Variants in CACNA2D1 observed in about 807,000 individuals in gnomAD.
CACNA2D1 encodes voltage-dependent calcium channel subunit alpha-2/delta-1.
CACNA2D1 carries 53 observed loss-of-function variants against 171.5 expected under a neutral mutation model. The ratio of observed to expected loss-of-function variants is 0.31; its 90% CI spans 0.25 to 0.39. The LOEUF (loss-of-function observed/expected upper bound fraction) is 0.39. Among genes scored for constraint, CACNA2D1 ranks in the 10% least tolerant of loss-of-function variants. The pLI is 1.00. For missense variants in CACNA2D1, 903 were observed against 1,299.8 expected, an observed-to-expected ratio of 0.69 and a Z score of 4.69; for synonymous variants, 442 against 443.1, an observed-to-expected ratio of 1.00 and a Z score of 0.03.
chr7:82,061,761 G>C (rs1806952078), intron 9 of CACNA2D1, among the ~76,000 whole-genome samples: 1 of 152,150 alleles, frequency 6.6e-6, no homozygotes, highest in African/African-American at 2.4e-5. Context: ...TTGATGGGCA[G>C]GGGACTAGGA....
chr7:81,979,579 A>G (rs1426668609), intron 24 of CACNA2D1, among the ~76,000 whole-genome samples: 1 of 152,152 alleles, frequency 6.6e-6, no homozygotes, highest in Non-Finnish European at 1.5e-5. Context: ...TTGCCAACAT[A>G]GCAGGCCTAA....
intron 3 of CACNA2D1, among the ~76,000 whole-genome samples, chr7:82,291,278 T>A (rs1159424082): frequency 7.0e-6 from 1 of 142,310 alleles, no homozygotes; most frequent in East Asian, 2.0e-4. Context: ...AGTGTATATA[T>A]AATTCCTTTA....
intron 36 of CACNA2D1, among the ~76,000 whole-genome samples, chr7:81,960,523 TCTTA>T (rs932431330): frequency 1.9e-4 from 29 of 152,208 alleles, no homozygotes; most frequent in Non-Finnish European, 2.8e-4. Context: ...CTTAAGCTGC[TCTTA>T]CTTTAGTAAC....
At chr7:82,426,461 A>T (rs1401212564) in intron 1 of CACNA2D1, among the ~76,000 whole-genome samples, 1 of 152,100 alleles carries the variant, frequency 6.6e-6, no homozygotes, top group Non-Finnish European at 1.5e-5. Flanking sequence ...TAGAATTGAT[A>T]CTTTAAACAG....
At chr7:81,971,482 C>T (rs1291813506) in intron 26 of CACNA2D1, among the ~76,000 whole-genome samples, 1 of 151,608 alleles carries the variant, frequency 6.6e-6, no homozygotes, top group Non-Finnish European at 1.5e-5. Context: ...CCCAAATAAA[C>T]ACTGACTAGA....
intron 12 of CACNA2D1, chr7:82,020,915 C>G (rs1801115649): frequency 6.6e-6 from 1 of 152,078 alleles, no homozygotes; most frequent in African/African-American, 2.4e-5. Flanking sequence ...TTATAAACGG[C>G]AACAAAGTGC....
chr7:82,273,419 T>C (rs1248816471), intron 3 of CACNA2D1, among the ~76,000 whole-genome samples: 2 of 151,462 alleles, frequency 1.3e-5, no homozygotes, highest in Non-Finnish European at 2.9e-5. Context: ...GTTGCCATTA[T>C]GATTCTATTT....
chr7:81,990,940 T>C (rs932898217), intron 21 of CACNA2D1, among the ~76,000 whole-genome samples: 1 of 152,218 alleles, frequency 6.6e-6, no homozygotes, highest in East Asian at 1.9e-4. Context: ...ATTATGGGTA[T>C]TTGTCAACAT....
chr7:82,085,492 G>A (rs1810347155), intron 6 of CACNA2D1, among the ~76,000 whole-genome samples: 1 of 151,010 alleles, frequency 6.6e-6, no homozygotes, highest in Non-Finnish European at 1.5e-5. Context: ...ACTCTCTGCG[G>A]CAGAGCAACA....
chr7:82,340,022 G>A (rs566429805), intron 2 of CACNA2D1, among the ~76,000 whole-genome samples: 1 of 152,282 alleles, frequency 6.6e-6, no homozygotes, highest in East Asian at 1.9e-4. Context: ...AAGAAATCAG[G>A]CCAACACTGC....
chr7:81,965,544 C>T lies in CACNA2D1; in HGVS notation c.2574+50G>A, dbSNP rs202062464. ...TGAAAGAGGTTTTGTAATGTTGATC[C>T]GGGAAACACACTTTGGAAAGCCTAA... On this transcript the variant is annotated intron_variant, in intron 32 of 38. Transcript: ENST00000356860. 1.6e-4 allele frequency: 149 copies of T among 953,136 alleles called. 2 individuals are homozygous for T. The highest frequency in any genetic ancestry group is 1.4e-3 in the South Asian group (106 of 77,716). The allele number at this position is 953,136 out of a possible 1,614,324, so 59.0% of individuals were successfully genotyped here.
At chr7:82,187,112 T>A (rs1185542026) in intron 3 of CACNA2D1, among the ~76,000 whole-genome samples, 1 of 152,172 alleles carries the variant, frequency 6.6e-6, no homozygotes, top group Non-Finnish European at 1.5e-5. Context: ...ATCTGGCTTT[T>A]TAACAAATAT....
rs562836168 is a variant in CACNA2D1, at chr7:82,381,257, T to C, written c.96-31608A>G. On this transcript the variant is annotated intron_variant, in intron 1 of 38. Transcript: ENST00000356860. ...TGAACCCGGCAGGCGGAGCTTGCAG[T>C]GAGCTGAGATCGCGCCATTGCACTC... Among the ~76,000 whole-genome samples the C allele has an allele frequency of 8.5e-5, 12 of 141,478 alleles. No homozygotes were observed. The South Asian group carries it at 2.6e-3, about 31-fold the overall frequency. The allele number at this position is 141,478 out of a possible 152,430, so 92.8% of individuals were successfully genotyped here.
intron 6 of CACNA2D1, among the ~76,000 whole-genome samples, chr7:82,113,752 G>A (rs1788710438): frequency 2.6e-5 from 4 of 152,078 alleles, no homozygotes; most frequent in Admixed American, 2.6e-4. Context: ...ACCACATGAA[G>A]AATACTGGTA....
chr7:82,094,579 C>T (rs1036800497), intron 6 of CACNA2D1, among the ~76,000 whole-genome samples: 22 of 152,224 alleles, frequency 1.4e-4, no homozygotes, highest in African/African-American at 3.6e-4. Flanking sequence ...AGTCCTTGCT[C>T]GTGTATTACT....
chr7:82,291,936 A>G (rs1399862896), intron 3 of CACNA2D1, among the ~76,000 whole-genome samples: 1 of 151,938 alleles, frequency 6.6e-6, no homozygotes, highest in Non-Finnish European at 1.5e-5. Context: ...CAAAATACAT[A>G]TTTATTTTTC....
At chr7:81,993,960 C>A (rs1174896589) in intron 20 of CACNA2D1, among the ~76,000 whole-genome samples, 7 of 152,058 alleles carry the variant, frequency 4.6e-5, no homozygotes, top group African/African-American at 1.7e-4. Flanking sequence ...AAATATACCT[C>A]CCTTTGCGTT....
At chr7:82,104,197 CTTT>C (rs1345535958) in intron 6 of CACNA2D1, among the ~76,000 whole-genome samples, 1 of 151,874 alleles carries the variant, frequency 6.6e-6, no homozygotes, top group South Asian at 2.1e-4. Context: ...TTAATACTGA[CTTT>C]TTTAATTTAA....
intron 7 of CACNA2D1, among the ~76,000 whole-genome samples, chr7:82,072,669 T>C (rs1028120099): frequency 2.0e-5 from 3 of 151,842 alleles, no homozygotes; most frequent in African/African-American, 7.3e-5. Flanking sequence ...TCCATTCTGT[T>C]GTCATTTTGA....
Sources: allele counts gnomAD v4.1 joint callset (sites outside exome capture counted in the v4.1 genomes callset), GRCh38; gene constraint gnomAD v4.1.1; transcripts MANE v1.5; gene names NCBI Gene and HGNC (gene_info 2026-07-23, HGNC 2026-07-21).